Variants in XRCC5 observed in about 807,000 individuals in gnomAD.
XRCC5 encodes the protein X-ray repair cross complementing 5, also known as DNA repair protein Ku80.
XRCC5 carries 12 observed loss-of-function variants against 95.7 expected under a neutral mutation model. The ratio of observed to expected loss-of-function variants is 0.13; its 90% confidence interval spans 0.08 to 0.20. The LOEUF (loss-of-function observed/expected upper bound fraction) is 0.20, where lower values mean the gene tolerates loss of function less well. XRCC5 is among the 10% of genes least tolerant of loss of function. The probability of loss-of-function intolerance (pLI) is 1.00; values close to 1 mark genes in which losing one functional copy is unlikely to be tolerated. For missense variants in XRCC5, 595 were observed against 873.9 expected (o/e 0.68, Z 4.02); for synonymous variants, 281 against 290.3 (o/e 0.97, Z 0.33).
intron 13 of XRCC5, among the ~76,000 whole-genome samples, chr2:216,147,412 TC>T (rs1169323780): frequency 1.3e-5 from 2 of 152,080 alleles, no homozygotes; most frequent in Non-Finnish European, 2.9e-5. Flanking sequence ...TCGGACCACT[TC>T]CAGTCAGACA....
At chr2:216,192,269 C>T (rs1689627392) in intron 17 of XRCC5, among the ~76,000 whole-genome samples, 1 of 152,202 alleles carries the variant, frequency 6.6e-6, no homozygotes, top group African/African-American at 2.4e-5. Flanking sequence ...GCTGGGATTA[C>T]AGGCATGAGT....
intron 2 of XRCC5, among the ~76,000 whole-genome samples, chr2:216,114,660 C>A (rs1488224531): frequency 6.6e-6 from 1 of 152,140 alleles, no homozygotes; most frequent in Non-Finnish European, 1.5e-5. Context: ...ATAAAACTAT[C>A]ACTGTAAGGT....
At chr2:216,204,510 A>G in intron 20 of XRCC5, 114 bp downstream of exon 20, 2 of 1,101,342 alleles carry the variant, frequency 1.8e-6, no homozygotes, top group Non-Finnish European at 2.7e-6. Flanking sequence ...TTTAATTTCC[A>G]ATACACCAGA....
intron 16 of XRCC5, among the ~76,000 whole-genome samples, chr2:216,182,512 C>G (rs1025428610): frequency 6.6e-6 from 1 of 152,106 alleles, no homozygotes; most frequent in Non-Finnish European, 1.5e-5. Context: ...TTTTAGTAAG[C>G]ATTGGCAAGT....
intron 16 of XRCC5, among the ~76,000 whole-genome samples, chr2:216,172,605 A>G (rs1007287926): frequency 6.6e-6 from 1 of 151,482 alleles, no homozygotes; most frequent in Non-Finnish European, 1.5e-5. Context: ...AGTAGCTGGG[A>G]TTACAGGCAT....
intron 16 of XRCC5, among the ~76,000 whole-genome samples, chr2:216,183,349 A>G (rs866845821): frequency 6.6e-6 from 1 of 152,172 alleles, no homozygotes; most frequent in South Asian, 2.1e-4. Context: ...CATTTAAAAA[A>G]GGGGGGAAAC....
intron 16 of XRCC5, among the ~76,000 whole-genome samples, chr2:216,183,660 T>TA (rs1689435265): frequency 6.6e-6 from 1 of 152,170 alleles, no homozygotes; most frequent in East Asian, 1.9e-4. Flanking sequence ...TTTTCTGTTC[T>TA]GAAAGGGAAG....
intron 2 of XRCC5, among the ~76,000 whole-genome samples, chr2:216,115,469 G>T (rs1302751059): frequency 6.6e-6 from 1 of 152,202 alleles, no homozygotes; most frequent in African/African-American, 2.4e-5. Flanking sequence ...TGCCCAGCCA[G>T]TATGCTACGC....
intron 1 of XRCC5, among the ~76,000 whole-genome samples, chr2:216,112,802 A>C (rs1696612238): frequency 6.6e-6 from 1 of 152,234 alleles, no homozygotes; most frequent in Non-Finnish European, 1.5e-5. Context: ...CCTGGTAGAA[A>C]CTTCTGTAGC....
At chr2:216,178,370 C>T (rs1689317520) in intron 16 of XRCC5, among the ~76,000 whole-genome samples, 1 of 152,168 alleles carries the variant, frequency 6.6e-6, no homozygotes, top group Non-Finnish European at 1.5e-5. Flanking sequence ...TCTGCCCATA[C>T]CCACATTCTG....
At position 216,204,384 on chromosome 2, in the gene XRCC5, T is replaced by A; in HGVS notation, c.2172T>A (p.Asp724Glu). ...DTAAVFEEGG[D>E]VDDLLDMI ...CAGCTGTATTTGAAGAAGGTGGTGATGTGGACGATTTAGTAAGTACTTTTA... is the reference window on the plus strand; with the variant it reads ...CAGCTGTATTTGAAGAAGGTGGTGAAGTGGACGATTTAGTAAGTACTTTTA... Residue 724 changes from aspartate to glutamate, a missense_variant, in exon 20 of 21, where the codon GAT (aspartate) becomes GAA (glutamate). Around this residue, in one of 2 missense-constraint regions of XRCC5, gnomAD observed 309 missense variants for 382.9 expected, o/e 0.81. Coordinates refer to ENST00000392132, the MANE Select transcript of XRCC5 (RefSeq NM_021141.4). The A allele has an allele frequency of 6.2e-7, 1 of 1,613,962 alleles. No individual in the cohort carries two copies. The highest frequency in any genetic ancestry group is 8.5e-7 in the Non-Finnish European group (1 of 1,179,830).
rs1239341992 is a variant in XRCC5, at chr2:216,190,349, G to A, written c.1944+15G>A. On this transcript the variant is annotated intron_variant, in intron 17 of 20. Coordinates refer to ENST00000392132, the MANE Select transcript of XRCC5 (RefSeq NM_021141.4). Reference sequence around the variant, plus strand: ...AAGCCATTAAGGTAATGCTATCCTAGCATCTCTTTTCTTCCTAAACAGTTG... The same window carrying A: ...AAGCCATTAAGGTAATGCTATCCTAACATCTCTTTTCTTCCTAAACAGTTG... 1 of 1,605,400 alleles carries A rather than the reference G, an allele frequency of 6.2e-7. No individual in the cohort carries two copies. The highest frequency in any genetic ancestry group is 8.5e-7 in the Non-Finnish European group (1 of 1,173,078).
At chr2:216,148,019 A>C in intron 13 of XRCC5, 64 bp from the exon 14 acceptor site, 7 of 1,521,426 alleles carry the variant, frequency 4.6e-6, no homozygotes, top group Non-Finnish European at 6.2e-6. Flanking sequence ...ATCCCTGATC[A>C]GAAAATATAA....
chr2:216,144,720 C>T (rs148256515), intron 13 of XRCC5, among the ~76,000 whole-genome samples: 53 of 152,276 alleles, frequency 3.5e-4, no homozygotes, highest in African/African-American at 1.3e-3. Context: ...AAGTTACAAA[C>T]AGGGTTGCAG....
At chr2:216,200,778 T>C (rs1157568247) in intron 19 of XRCC5, among the ~76,000 whole-genome samples, 3 of 152,110 alleles carry the variant, frequency 2.0e-5, no homozygotes, top group Admixed American at 6.5e-5. Context: ...GAATCATGCC[T>C]TTTTTTCATC....
chr2:216,195,857 CTGACAGCTCTCAGT>C (rs2106050676), intron 19 of XRCC5, among the ~76,000 whole-genome samples: 1 of 152,332 alleles, frequency 6.6e-6, no homozygotes, highest in South Asian at 2.1e-4. Context: ...CTGCTGGCAC[CTGACAGCTCTCAGT>C]TACTAAGCTT....
At chr2:216,169,249 A>T (rs917803664) in intron 16 of XRCC5, among the ~76,000 whole-genome samples, 1 of 152,268 alleles carries the variant, frequency 6.6e-6, no homozygotes, top group Non-Finnish European at 1.5e-5. Flanking sequence ...AGTATTAAAC[A>T]TGCATGTTAC....
At chr2:216,178,135 A>G (rs1298474454) in intron 16 of XRCC5, among the ~76,000 whole-genome samples, 1 of 152,240 alleles carries the variant, frequency 6.6e-6, no homozygotes, top group Non-Finnish European at 1.5e-5. Context: ...GTGTCACCCC[A>G]TGAAAATTGT....
At chr2:216,121,152 G>A (rs1005562029) in intron 5 of XRCC5, among the ~76,000 whole-genome samples, 1 of 152,098 alleles carries the variant, frequency 6.6e-6, no homozygotes, top group Non-Finnish European at 1.5e-5. Flanking sequence ...TCACTTTTAC[G>A]ACATTTGTCC....
Sources: gnomAD v4.1 joint callset for allele counts (sites outside exome capture counted in the v4.1 genomes callset) on GRCh38, gnomAD v4.1.1 for gene constraint, gnomAD v4.1.1 regional missense constraint, MANE v1.5 for transcripts, NCBI Gene and HGNC (gene_info 2026-07-23, HGNC 2026-07-21) for gene names.